RANBP2: variants seen among roughly 807,000 people sequenced by gnomAD.
RANBP2 encodes E3 SUMO-protein ligase RanBP2.
RANBP2 carries 57 observed loss-of-function variants against 303.6 expected under a neutral mutation model. The ratio of observed to expected loss-of-function variants is 0.19; its 90% CI spans 0.15 to 0.23. RANBP2 has a LOEUF of 0.23. RANBP2 is among the 10% of genes least tolerant of loss of function. RANBP2 has a pLI of 1.00. For missense variants in RANBP2, 3,138 were observed against 3,780.8 expected (o/e 0.83, Z 4.46); for synonymous variants, 1,167 against 1,301.5 (o/e 0.90, Z 2.23).
the RANBP2 span, among the ~76,000 whole-genome samples, chr2:109,111,896 C>T: frequency 6.7e-6 from 1 of 150,144 alleles, no homozygotes; most frequent in Non-Finnish European, 1.5e-5. Flanking sequence ...GTTTTTTTGT[C>T]CTTGCGATAG....
the RANBP2 span, among the ~76,000 whole-genome samples, chr2:109,671,954 T>A: frequency 6.6e-6 from 1 of 151,580 alleles, no homozygotes; most frequent in African/African-American, 2.4e-5. Flanking sequence ...ATCATCTAGT[T>A]CCTCTTCATT....
chr2:108,730,422 TTACTA>T, intron 2 of RANBP2, among the ~76,000 whole-genome samples: 1 of 152,150 alleles, frequency 6.6e-6, no homozygotes, highest in South Asian at 2.1e-4. Context: ...TTAAAAATGT[TTACTA>T]TAATCACTTC....
chr2:108,934,334 G>A, the RANBP2 span, among the ~76,000 whole-genome samples: 1 of 152,152 alleles, frequency 6.6e-6, no homozygotes, highest in African/African-American at 2.4e-5. Flanking sequence ...GCGCTGGGGG[G>A]CTGACGGCTC....
the RANBP2 span, among the ~76,000 whole-genome samples, chr2:108,970,252 C>T: frequency 8.6e-5 from 13 of 152,026 alleles, no homozygotes; most frequent in African/African-American, 1.2e-4. Context: ...CCAGGTGGTA[C>T]GCATTTGAGT....
the RANBP2 span, among the ~76,000 whole-genome samples, chr2:109,465,733 C>T: frequency 1.5e-4 from 23 of 152,176 alleles, no homozygotes; most frequent in African/African-American, 2.9e-4. Context: ...CCAATCATGG[C>T]GGAAGACAAA....
the RANBP2 span, chr2:109,432,356 C>CGTA: frequency 9.6e-7 from 1 of 1,039,926 alleles, no homozygotes; most frequent in South Asian, 1.6e-5. Context: ...TGTGTGAGGC[C>CGTA]TCTGTAAACT....
the RANBP2 span, among the ~76,000 whole-genome samples, chr2:109,476,257 C>G: frequency 3.3e-5 from 5 of 152,212 alleles, no homozygotes; most frequent in Non-Finnish European, 4.4e-5. Flanking sequence ...CAAAGTTCTC[C>G]AGACACAGTG....
At chr2:109,615,711 A>T in the RANBP2 span, 1 of 1,613,602 alleles carries the variant, frequency 6.2e-7, no homozygotes, top group South Asian at 1.1e-5. Flanking sequence ...CGCCGCGGGT[A>T]GCGGCGGCGG....
chr2:109,615,588 G>A, the RANBP2 span: 4,963 of 1,613,648 alleles, frequency 3.1e-3, 150 homozygotes, highest in African/African-American at 0.057. Flanking sequence ...CTACGACGCC[G>A]ATGTGGACAT....
At chr2:109,217,812 A>C in the RANBP2 span, among the ~76,000 whole-genome samples, 3 of 152,100 alleles carry the variant, frequency 2.0e-5, no homozygotes, top group Non-Finnish European at 4.4e-5. Context: ...GGTGCTGGGC[A>C]GGCTGGACAC....
chr2:109,316,853 G>T, the RANBP2 span, among the ~76,000 whole-genome samples: 47,489 of 152,036 alleles, frequency 0.31, 9,201 homozygotes, highest in African/African-American at 0.55. Flanking sequence ...TTGTACTGTC[G>T]CTGTAGTTCT....
the RANBP2 span, among the ~76,000 whole-genome samples, chr2:109,181,750 T>C: frequency 6.6e-6 from 1 of 152,222 alleles, no homozygotes; most frequent in Non-Finnish European, 1.5e-5. Flanking sequence ...TAGTGGATGC[T>C]AGGTTCCATC....
At chr2:109,267,702 TC>T in the RANBP2 span, among the ~76,000 whole-genome samples, 1 of 152,168 alleles carries the variant, frequency 6.6e-6, no homozygotes, top group Non-Finnish European at 1.5e-5. Flanking sequence ...CCCTTTCCCT[TC>T]TTTTACTCTC....
the RANBP2 span, among the ~76,000 whole-genome samples, chr2:108,852,876 A>G: frequency 6.6e-6 from 1 of 152,176 alleles, no homozygotes; most frequent in Non-Finnish European, 1.5e-5. Flanking sequence ...AAACCTGCAC[A>G]GGTACCCCTG....
the RANBP2 span, among the ~76,000 whole-genome samples, chr2:109,132,784 A>G: frequency 2.6e-5 from 4 of 152,160 alleles, no homozygotes; most frequent in Non-Finnish European, 4.4e-5. Context: ...TGTTTTCACT[A>G]TTTTGCAAGA....
the RANBP2 span, among the ~76,000 whole-genome samples, chr2:109,523,020 C>T: frequency 6.6e-6 from 1 of 152,192 alleles, no homozygotes; most frequent in Non-Finnish European, 1.5e-5. Context: ...GGCACTGTCA[C>T]TCCATTTCCT....
At chr2:109,305,006 T>G in the RANBP2 span, among the ~76,000 whole-genome samples, 1 of 152,238 alleles carries the variant, frequency 6.6e-6, no homozygotes, top group Admixed American at 6.5e-5. Flanking sequence ...CTCATTTGTC[T>G]GGATATCTGG....
chr2:109,596,369 G>A, the RANBP2 span, among the ~76,000 whole-genome samples: 1 of 152,134 alleles, frequency 6.6e-6, no homozygotes, highest in African/African-American at 2.4e-5. Context: ...TGTAATTCCA[G>A]CAGTTTGGGA....
the RANBP2 span, among the ~76,000 whole-genome samples, chr2:109,085,155 G>A: frequency 1.3e-5 from 2 of 152,102 alleles, no homozygotes; most frequent in Non-Finnish European, 2.9e-5. Flanking sequence ...TTCCTGCTTC[G>A]TTATGAGGGA....
Sources: gnomAD v4.1 joint callset for allele counts (sites outside exome capture counted in the v4.1 genomes callset) on GRCh38, gnomAD v4.1.1 for gene constraint, MANE v1.5 for transcripts, NCBI Gene and HGNC (gene_info 2026-07-23, HGNC 2026-07-21) for gene names.